GRIP2: variants seen among roughly 807,000 people sequenced by gnomAD.
GRIP2 encodes the protein glutamate receptor-interacting protein 2.
GRIP2 carries 58 observed loss-of-function variants against 108.3 expected under a neutral mutation model. That is an observed-to-expected ratio of 0.54 (90% CI 0.43 to 0.67). The LOEUF (loss-of-function observed/expected upper bound fraction) is 0.67. Ranked by LOEUF, GRIP2 falls within the 30% of genes least tolerant of loss-of-function variation. The pLI, the probability that GRIP2 is intolerant of heterozygous loss-of-function variation, is 0.00. For synonymous variants in GRIP2, 586 were observed against 598.2 expected (o/e 0.98, Z 0.30); for missense variants, 1,278 against 1,430.6 (o/e 0.89, Z 1.72).
intron 17 of GRIP2, among the ~76,000 whole-genome samples, chr3:14,509,525 G>A (rs1050904052): frequency 6.6e-6 from 1 of 152,262 alleles, no homozygotes; most frequent in Non-Finnish European, 1.5e-5. Context: ...TAGCCTTGCA[G>A]GGCTGACCTT....
At position 14,514,076 on chromosome 3, in the gene GRIP2, G is replaced by A. The variant is rs572146496; in HGVS notation, c.1493+216C>T. On this transcript the variant is annotated intron_variant, in intron 12 of 23. Coordinates refer to ENST00000621039, the MANE Select transcript of GRIP2 (RefSeq NM_001080423.4). The stretch of plus-strand genomic sequence containing the variant: ...AGAGGACTCTGCCTTCAGGCAGACA[G>A]GGGTTCAAGCCCTGGGATTCCATGG... Among the ~76,000 whole-genome samples, 19 of 152,390 alleles carry A rather than the reference G, an allele frequency of 1.2e-4. 1 individual carries two copies. The South Asian group carries it at 3.9e-3, about 32-fold the overall frequency.
In GRIP2 at chr3:14,513,646, G is replaced by A; in HGVS notation, c.1639+19C>T. 1 of 1,592,236 alleles carries A rather than the reference G, an allele frequency of 6.3e-7. No individual in the cohort carries two copies. Reference sequence around the variant, plus strand: ...CAGGGCCCTGAAATATGAGGAGGAAGCTTGGGCCACTCACTCACCCGCCAC... The same window carrying A: ...CAGGGCCCTGAAATATGAGGAGGAAACTTGGGCCACTCACTCACCCGCCAC... On this transcript the variant is annotated intron_variant, in intron 13 of 23. Coordinates refer to ENST00000621039, the MANE Select transcript of GRIP2 (RefSeq NM_001080423.4).
intron 1 of GRIP2, among the ~76,000 whole-genome samples, chr3:14,551,035 G>A (rs1695138830): frequency 1.3e-5 from 2 of 152,196 alleles, no homozygotes; most frequent in Admixed American, 1.3e-4. Flanking sequence ...GGAGGGGGGA[G>A]GCAGCAAGGC....
At chr3:14,500,630 C>G (rs1451697062) in intron 21 of GRIP2, among the ~76,000 whole-genome samples, 10 of 152,026 alleles carry the variant, frequency 6.6e-5, no homozygotes. Context: ...CATTTAAGAG[C>G]AGGGGTGAAA....
the GRIP2 span, among the ~76,000 whole-genome samples, chr3:14,569,686 A>AC: frequency 4.6e-5 from 7 of 151,826 alleles, no homozygotes; most frequent in African/African-American, 1.7e-4. Context: ...TTCCTCCACC[A>AC]CCCCCCTCTT....
intron 17 of GRIP2, among the ~76,000 whole-genome samples, 153 bp downstream of exon 17, chr3:14,509,667 G>C (rs375666022): frequency 6.6e-6 from 1 of 152,248 alleles, no homozygotes; most frequent in African/African-American, 2.4e-5. Context: ...ATGCAGACCT[G>C]AGTCTCAGAG....
In GRIP2 at chr3:14,533,410, A is replaced by G. The variant is rs1294362463; in HGVS notation, c.40+6859T>C. Reference sequence around the variant, plus strand: ...GCTCCAGGTTTATGAATCCTAAGAGAAAAGTGGGGGAGGGAGAAGGATTAT... The same window carrying G: ...GCTCCAGGTTTATGAATCCTAAGAGGAAAGTGGGGGAGGGAGAAGGATTAT... On this transcript the variant is annotated intron_variant, in intron 1 of 23. Coordinates refer to ENST00000621039, the MANE Select transcript of GRIP2 (RefSeq NM_001080423.4). 2.0e-5 allele frequency among the ~76,000 whole-genome samples: 3 copies of G among 152,178 alleles called. No homozygotes were observed. In the South Asian group the frequency reaches 6.2e-4, roughly 32 times the overall value.
chr3:14,598,851 T>A, the GRIP2 span, among the ~76,000 whole-genome samples: 7 of 152,290 alleles, frequency 4.6e-5, no homozygotes, highest in African/African-American at 1.7e-4. Flanking sequence ...TTATATTTGC[T>A]GTTCCCTCCG....
upstream of GRIP2, among the ~76,000 whole-genome samples, chr3:14,546,710 T>C (rs1031980554): frequency 6.6e-6 from 1 of 152,048 alleles, no homozygotes; most frequent in Non-Finnish European, 1.5e-5. Flanking sequence ...TGCAGAGGTG[T>C]CCCAACTAAC....
At chr3:14,573,689 G>T in the GRIP2 span, 3 of 1,436,802 alleles carry the variant, frequency 2.1e-6, no homozygotes, top group South Asian at 1.1e-5. Context: ...TGTTTCTGGT[G>T]CAGATCGGCC....
chr3:14,546,206 A>G (rs181294417), upstream of GRIP2, among the ~76,000 whole-genome samples: 1 of 152,244 alleles, frequency 6.6e-6, no homozygotes, highest in Non-Finnish European at 1.5e-5. Flanking sequence ...AGGGAGGAGG[A>G]GGTTCCAGGT....
chr3:14,558,567 C>T (rs1393824902), upstream of GRIP2, among the ~76,000 whole-genome samples: 1 of 152,172 alleles, frequency 6.6e-6, no homozygotes, highest in Non-Finnish European at 1.5e-5. Flanking sequence ...CCGAGGCTCC[C>T]AGGGTGCGGG....
chr3:14,546,980 C>A (rs2124972720), upstream of GRIP2, among the ~76,000 whole-genome samples: 1 of 152,282 alleles, frequency 6.6e-6, no homozygotes, highest in African/African-American at 2.4e-5. Flanking sequence ...AATTCCACCC[C>A]CTACCCAGGT....
At chr3:14,552,196 G>C (rs1695161035) in intron 1 of GRIP2, among the ~76,000 whole-genome samples, 1 of 152,238 alleles carries the variant, frequency 6.6e-6, no homozygotes, top group Non-Finnish European at 1.5e-5. Context: ...CACTCTGGGA[G>C]TCAGATTTGA....
At chr3:14,542,062 G>A (rs74518114), upstream of GRIP2, 39 of 1,350,552 alleles carry the variant, frequency 2.9e-5, no homozygotes, top group East Asian at 1.7e-3. Context: ...AGCCTCTTCA[G>A]TCAGGGAGGA....
In GRIP2 at chr3:14,507,497, G is replaced by A. The variant is rs1693963787; in HGVS notation, c.2218+64C>T. On this transcript the variant is annotated intron_variant, in intron 18 of 23. Transcript: ENST00000621039. This position sits in a 1 kb window ranked among gnomAD's most constrained non-coding sequence, Gnocchi z 4.6. ...CTGTGAGGGTGTGCAGGCAAAGCCT[G>A]GCACAGAGGGATTGCCCTTCCTAAA... The A allele has an allele frequency of 3.2e-6, 5 of 1,578,170 alleles. No homozygotes were observed. Among genetic ancestry groups the A allele is most frequent in the Non-Finnish European group, 4.3e-6 (5 of 1,150,460 alleles).
At chr3:14,592,775 C>A in the GRIP2 span, among the ~76,000 whole-genome samples, 15 of 152,250 alleles carry the variant, frequency 9.9e-5, no homozygotes, top group South Asian at 2.7e-3. Flanking sequence ...CTTGCTTGAC[C>A]CTGTTCTTTG....
chr3:14,566,889 G>A, the GRIP2 span, among the ~76,000 whole-genome samples: 3 of 152,112 alleles, frequency 2.0e-5, no homozygotes, highest in Non-Finnish European at 4.4e-5. Context: ...GGCCCTCTCT[G>A]AGGTCCTTTC....
intron 2 of GRIP2, 62 bp from the exon 3 acceptor site, chr3:14,525,634 C>G (rs916555260): frequency 1.9e-6 from 3 of 1,594,488 alleles, no homozygotes; most frequent in Non-Finnish European, 2.6e-6. Context: ...GCCCCCAGCT[C>G]TAAGATAAGC....
Sources: allele counts gnomAD v4.1 joint callset (sites outside exome capture counted in the v4.1 genomes callset), GRCh38; gene constraint gnomAD v4.1.1; non-coding constraint Gnocchi (gnomAD v3.1); transcripts MANE v1.5; gene names NCBI Gene and HGNC (gene_info 2026-07-23, HGNC 2026-07-21).